The following TTC29 variants were observed in gnomAD, a reference collection of about 807,000 sequenced individuals.
TTC29 encodes tetratricopeptide repeat domain 29, also known as tetratricopeptide repeat protein 29.
Under a neutral mutation model 58.1 loss-of-function variants are expected in TTC29, and 49 were observed. The observed-to-expected ratio is 0.84, with a 90% CI of 0.67 to 1.07. The LOEUF (loss-of-function observed/expected upper bound fraction) is 1.07, where lower values mean the gene tolerates loss of function less well. TTC29 is among the 50% of genes least tolerant of loss of function. The pLI is 0.00. For missense variants in TTC29, 582 were observed against 555.6 expected (o/e 1.05, Z -0.48); for synonymous variants, 209 against 196.8 (o/e 1.06, Z -0.52).
chr4:146,798,396 A>G (rs1367412672), intron 11 of TTC29, among the ~76,000 whole-genome samples: 6 of 152,194 alleles, frequency 3.9e-5, no homozygotes, highest in Non-Finnish European at 8.8e-5. Flanking sequence ...AGTGCCAACC[A>G]GGGAAAAGTA....
At chr4:146,714,575 A>G (rs1742779307) in intron 11 of TTC29, among the ~76,000 whole-genome samples, 1 of 151,900 alleles carries the variant, frequency 6.6e-6, no homozygotes, top group African/African-American at 2.4e-5. Context: ...CCCAAGCTTA[A>G]GAAACTTAAA....
chr4:146,856,040 G>A (rs955295021), intron 8 of TTC29, among the ~76,000 whole-genome samples: 1 of 152,052 alleles, frequency 6.6e-6, no homozygotes, highest in Non-Finnish European at 1.5e-5. Flanking sequence ...TTGCTCCAGC[G>A]AACATTTTCA....
chr4:146,887,980 A>C (rs1732101505), intron 6 of TTC29, among the ~76,000 whole-genome samples: 1 of 152,016 alleles, frequency 6.6e-6, no homozygotes, highest in Non-Finnish European at 1.5e-5. Flanking sequence ...CCCGAGACAA[A>C]GAGAATATGT....
intron 4 of TTC29, among the ~76,000 whole-genome samples, chr4:146,923,653 T>C (rs776941112): frequency 6.6e-6 from 1 of 151,886 alleles, no homozygotes; most frequent in Non-Finnish European, 1.5e-5. Flanking sequence ...TGTAACATCA[T>C]TGAAATGAAA....
rs1561138320 is a variant in TTC29 at position 146,802,008 on chromosome 4, A to AAG, written c.1330+1447_1330+1448dup. Among the ~76,000 whole-genome samples the AAG allele has an allele frequency of 1.4e-3, 198 of 143,294 alleles. 3 individuals are homozygous for AAG. The highest frequency in any genetic ancestry group is 3.6e-3 in the Middle Eastern group (1 of 274). 94.0% of individuals were successfully genotyped at this position (143,294 alleles called of 152,430 possible). ...AAAAAAAAAAAAAAAAAAAAAAAAAAAGAGACTTTTTTAAAGCGAAAATCA... is the reference window on the plus strand; with the variant it reads ...AAAAAAAAAAAAAAAAAAAAAAAAAAAGAGAGACTTTTTTAAAGCGAAAATCA... On this transcript the variant is annotated intron_variant, in intron 11 of 12. Transcript: ENST00000325106.
intron 11 of TTC29, among the ~76,000 whole-genome samples, chr4:146,738,595 G>A (rs1178975881): frequency 1.3e-5 from 2 of 152,018 alleles, no homozygotes; most frequent in African/African-American, 4.8e-5. Flanking sequence ...CACAGTTCCC[G>A]GTTCATAACT....
rs1290660651 is a variant in TTC29, at chr4:146,708,329, TATATATATATATATATATATATATATAC to T, written c.1331-806_1331-779del. On this transcript the variant is annotated intron_variant, in intron 11 of 12. Transcript: ENST00000325106. ...AAGTTTATATATATATATATATATATATATATATATATATATATATATATATACACATGTATGTGTGTGTATATATATA... is the reference window on the plus strand; with the variant it reads ...AAGTTTATATATATATATATATATATACATGTATGTGTGTGTATATATATA... Among the ~76,000 whole-genome samples the T allele has an allele frequency of 1.3e-3, 78 of 59,462 alleles. 1 individual carries two copies. Among genetic ancestry groups the T allele is most frequent in the Admixed American group, 4.2e-3 (22 of 5,222 alleles). The allele number at this position is 59,462 out of a possible 152,430, so 39.0% of individuals were successfully genotyped here. A position where few individuals can be genotyped will look rare whatever the true frequency, so the allele number is the denominator to read the frequency against.
At chr4:146,781,073 T>C (rs1005177931) in intron 11 of TTC29, among the ~76,000 whole-genome samples, 3 of 152,018 alleles carry the variant, frequency 2.0e-5, no homozygotes, top group Non-Finnish European at 4.4e-5. Flanking sequence ...TTCAAATCAT[T>C]GTAATGGAAA....
rs780606940 is a variant in TTC29 at position 146,874,826 on chromosome 4, C to G, written c.689G>C (p.Cys230Ser). 1 of 1,613,222 alleles carries G rather than the reference C, an allele frequency of 6.2e-7. No homozygotes were observed. The highest frequency in any genetic ancestry group is 1.7e-5 in the Admixed American group (1 of 59,952). Residue 230 changes from cysteine (C) to serine (S), a missense_variant, in exon 7 of 13, where the codon TGT becomes TCT. Cys to Ser is a moderately radical substitution (Grantham distance 112). Transcript: ENST00000325106. Reference sequence around the variant, plus strand: ...TCTGTAAGTCCTCAGGAGACTCTCACAGGCCAACAAGTTGAGAGAGCGGCC... The same window carrying G: ...TCTGTAAGTCCTCAGGAGACTCTCAGAGGCCAACAAGTTGAGAGAGCGGCC... ...ETGRSLNLLA[C>S]ESLLRTYRLL...
At chr4:146,720,582 G>A (rs979053864) in intron 11 of TTC29, among the ~76,000 whole-genome samples, 1 of 152,102 alleles carries the variant, frequency 6.6e-6, no homozygotes, top group Non-Finnish European at 1.5e-5. Context: ...AAGGCTATCA[G>A]TCATTCTTTT....
chr4:146,913,493 T>C (rs1234490050), intron 4 of TTC29, among the ~76,000 whole-genome samples: 1 of 136,114 alleles, frequency 7.3e-6, no homozygotes, highest in African/African-American at 2.8e-5. Context: ...CTTGGTGGCA[T>C]GGAAATTCAG....
rs1728861129 is a variant in TTC29 at position 146,841,697 on chromosome 4, G to T, written c.886-7800C>A. On this transcript the variant is annotated intron_variant, in intron 8 of 12. Transcript: ENST00000325106. ...GACTCCTACTCTGAAGACACAGACC[G>T]GGCCTTGGAGGAGCCTTGTGAGATA... Among the ~76,000 whole-genome samples, 3 of 151,918 alleles carry T rather than the reference G, an allele frequency of 2.0e-5. No homozygotes were observed. The South Asian group carries it at 6.2e-4, about 32-fold the overall frequency.
chr4:146,778,976 C>CAAAAAAAAAAAAAAA (rs369374851), intron 11 of TTC29, among the ~76,000 whole-genome samples: 751 of 28,644 alleles, frequency 0.026, 11 homozygotes, highest in Middle Eastern at 0.056. Flanking sequence ...CCTAAATAAG[C>CAAAAAAAAAAAAAAA]AAAAAAAAAA....
At chr4:146,877,430 G>A (rs192802784) in intron 6 of TTC29, among the ~76,000 whole-genome samples, 6 of 152,198 alleles carry the variant, frequency 3.9e-5, no homozygotes, top group Admixed American at 1.3e-4. Flanking sequence ...TGAAGTTCAT[G>A]GCTCTAATCT....
intron 4 of TTC29, among the ~76,000 whole-genome samples, chr4:146,912,401 G>A (rs1389611856): frequency 6.6e-6 from 1 of 152,058 alleles, no homozygotes; most frequent in Admixed American, 6.6e-5. Context: ...TCTTGTTTTT[G>A]AAACTCAGAC....
intron 9 of TTC29, among the ~76,000 whole-genome samples, chr4:146,828,539 T>C (rs1186556361): frequency 6.6e-6 from 1 of 152,114 alleles, no homozygotes; most frequent in Non-Finnish European, 1.5e-5. Context: ...TATGTTCATG[T>C]TTCTAAAAAC....
At chr4:146,825,926 C>T (rs1299178032) in intron 9 of TTC29, among the ~76,000 whole-genome samples, 1 of 150,642 alleles carries the variant, frequency 6.6e-6, no homozygotes, top group East Asian at 1.9e-4. Context: ...GATTGCAACC[C>T]CTGCTTTTTT....
At chr4:146,908,304 C>A (rs1176933396) in intron 5 of TTC29, among the ~76,000 whole-genome samples, 1 of 152,024 alleles carries the variant, frequency 6.6e-6, no homozygotes, top group Admixed American at 6.6e-5. Flanking sequence ...TCTAGAATTT[C>A]ATTTTTTTAT....
intron 11 of TTC29, among the ~76,000 whole-genome samples, chr4:146,755,637 G>A (rs937931265): frequency 2.1e-4 from 32 of 151,918 alleles, no homozygotes; most frequent in Non-Finnish European, 3.1e-4. Context: ...GAAGTAATAG[G>A]TAAGTATGTG....
Sources: gnomAD v4.1 joint callset for allele counts (sites outside exome capture counted in the v4.1 genomes callset) on GRCh38, gnomAD v4.1.1 for gene constraint, MANE v1.5 for transcripts, NCBI Gene and HGNC (gene_info 2026-07-23, HGNC 2026-07-21) for gene names.